TENM3: variants seen among roughly 807,000 people sequenced by gnomAD.
The protein encoded by TENM3 is teneurin transmembrane protein 3, also known as teneurin-3.
A neutral mutation model predicts 255.1 loss-of-function variants in TENM3; 63 were observed. The ratio of observed to expected loss-of-function variants is 0.25; its 90% CI spans 0.20 to 0.30. TENM3 has a LOEUF of 0.30. Among genes scored for constraint, TENM3 ranks in the 10% least tolerant of loss-of-function variants. The pLI is 1.00. For missense variants in TENM3, 2,929 were observed against 3,461.1 expected (o/e 0.85, Z 3.86); for synonymous variants, 1,306 against 1,322.3 (o/e 0.99, Z 0.27).
At position 182,789,466 on chromosome 4, in the gene TENM3, GA is replaced by G. The variant is rs200331563; in HGVS notation, c.5601+85del. 40 of 1,346,780 alleles carry G rather than the reference GA, an allele frequency of 3.0e-5. No homozygotes were observed. Among genetic ancestry groups the G allele is most frequent in the South Asian group, 7.4e-5 (5 of 67,230 alleles). 83.4% of individuals were successfully genotyped at this position (1,346,780 alleles called of 1,614,324 possible). A position where few individuals can be genotyped will look rare whatever the true frequency, so the allele number is the denominator to read the frequency against. ...CAGCAATCATCCAGAGCACTAAGGGGAAAAAAAACAGTGGCACATGACTGAG... is the reference window on the plus strand; with the variant it reads ...CAGCAATCATCCAGAGCACTAAGGGGAAAAAAACAGTGGCACATGACTGAG... On this transcript the variant is annotated intron_variant, in intron 25 of 27. Transcript: ENST00000511685. The surrounding 1 kb of genome is among the most constrained non-coding windows in gnomAD (Gnocchi z 4.4).
At chr4:181,880,888 G>GC in the TENM3 span, among the ~76,000 whole-genome samples, 1 of 152,108 alleles carries the variant, frequency 6.6e-6, no homozygotes, top group Admixed American at 6.6e-5. Flanking sequence ...TCCAATGCCA[G>GC]CCCCCGGGGC....
the TENM3 span, among the ~76,000 whole-genome samples, chr4:182,059,055 G>A: frequency 6.6e-6 from 1 of 151,786 alleles, no homozygotes; most frequent in Non-Finnish European, 1.5e-5. Context: ...CAGTGTTGGG[G>A]CAGAATTAAG....
chr4:182,088,764 G>A, the TENM3 span, among the ~76,000 whole-genome samples: 2 of 151,722 alleles, frequency 1.3e-5, no homozygotes, highest in Admixed American at 1.3e-4. Context: ...AACCCGGGAG[G>A]CAGAGGTTGC....
At chr4:182,072,489 A>G in the TENM3 span, among the ~76,000 whole-genome samples, 1 of 152,208 alleles carries the variant, frequency 6.6e-6, no homozygotes, top group Non-Finnish European at 1.5e-5. Flanking sequence ...ATTTTGCTTT[A>G]CCTCAAAACC....
the TENM3 span, among the ~76,000 whole-genome samples, chr4:181,478,327 A>C: frequency 6.6e-6 from 1 of 152,258 alleles, no homozygotes; most frequent in South Asian, 2.1e-4. Context: ...ATTTAAAGAC[A>C]TACATTAGTA....
chr4:182,692,284 G>C (rs1757067825), intron 12 of TENM3, among the ~76,000 whole-genome samples: 1 of 152,190 alleles, frequency 6.6e-6, no homozygotes, highest in Non-Finnish European at 1.5e-5. Context: ...GATGGTTATA[G>C]GCAGAGTCAA....
At chr4:182,010,379 A>G in the TENM3 span, among the ~76,000 whole-genome samples, 1 of 152,126 alleles carries the variant, frequency 6.6e-6, no homozygotes, top group Non-Finnish European at 1.5e-5. Flanking sequence ...GGAAACAGAT[A>G]TGTGATTCAG....
At chr4:182,319,033 G>T (rs1762900308) in intron 1 of TENM3, among the ~76,000 whole-genome samples, 3 of 152,154 alleles carry the variant, frequency 2.0e-5, no homozygotes, top group Non-Finnish European at 4.4e-5. Flanking sequence ...CTCCCAAAGT[G>T]CTGGGATTAC....
chr4:182,111,189 C>CTCTT, the TENM3 span, among the ~76,000 whole-genome samples: 5 of 80,522 alleles, frequency 6.2e-5, no homozygotes, highest in African/African-American at 2.1e-4. Flanking sequence ...GTCTTCTTCT[C>CTCTT]TTTTTTTTTT....
rs538297787 is a variant in TENM3 at position 182,371,689 on chromosome 4, C to T, written c.511+24760C>T. ...GTCTTACCAATCGAATGCAATCGCA[C>T]GGTCTTGTCTCGTTTCCTATCCTGC... On this transcript the variant is annotated intron_variant, in intron 3 of 27. Coordinates refer to ENST00000511685, the MANE Select transcript of TENM3 (RefSeq NM_001080477.4). Among the ~76,000 whole-genome samples the T allele has an allele frequency of 2.8e-4, 43 of 152,282 alleles. 1 individual carries two copies. The highest frequency in any genetic ancestry group is 9.6e-4 in the African/African-American group (40 of 41,568).
intron 3 of TENM3, among the ~76,000 whole-genome samples, chr4:182,453,906 A>C (rs1162668557): frequency 1.3e-5 from 2 of 152,074 alleles, no homozygotes; most frequent in African/African-American, 4.8e-5. Context: ...CCATTATTTC[A>C]TTTTACCTTC....
At chr4:182,192,893 C>G (rs1579661591) in intron 1 of TENM3, among the ~76,000 whole-genome samples, 2 of 152,286 alleles carry the variant, frequency 1.3e-5, no homozygotes, top group Admixed American at 1.3e-4. Context: ...ACAAAGCTTT[C>G]CTAAACTTCT....
chr4:182,247,729 C>T lies in TENM3; in HGVS notation c.-76+4253C>T, dbSNP rs551896736. Reference sequence around the variant, plus strand: ...GGACCAAGGATGGCTCAGGCAACCTCTCAGATTATACCTAATTCTAGGATT... The same window carrying T: ...GGACCAAGGATGGCTCAGGCAACCTTTCAGATTATACCTAATTCTAGGATT... On this transcript the variant is annotated intron_variant, in intron 1 of 27. Transcript: ENST00000511685. 3.0e-4 allele frequency among the ~76,000 whole-genome samples: 45 copies of T among 152,262 alleles called. 1 individual carries two copies. The highest frequency in any genetic ancestry group is 1.0e-3 in the African/African-American group (42 of 41,548).
Position 182,690,128 on chromosome 4 carries a change from G to A in TENM3, c.2221+1777G>A, listed in dbSNP as rs540176317. Among the ~76,000 whole-genome samples, 45 of 152,054 alleles carry A rather than the reference G, an allele frequency of 3.0e-4. 1 individual carries two copies. The South Asian group carries it at 8.1e-3, about 27-fold the overall frequency. On this transcript the variant is annotated intron_variant, in intron 12 of 27. Coordinates refer to ENST00000511685, the MANE Select transcript of TENM3 (RefSeq NM_001080477.4). ...CCAGATGCCAGCCAAGGGCCAGCCC[G>A]CCAAAATCCTGCAGATCAGGCCCAC... is the stretch of plus-strand genomic sequence containing the variant.
the TENM3 span, among the ~76,000 whole-genome samples, chr4:181,554,337 G>A: frequency 6.6e-6 from 1 of 152,172 alleles, no homozygotes; most frequent in Admixed American, 6.5e-5. Flanking sequence ...GAGTTTAACG[G>A]GGAGGGCTGA....
the TENM3 span, chr4:182,081,788 A>G: frequency 6.6e-6 from 1 of 152,018 alleles, no homozygotes; most frequent in African/African-American, 2.4e-5. Context: ...CTCCCCGTAG[A>G]TTCTTGATCC....
At chr4:182,277,329 TCA>T (rs1247454157) in intron 1 of TENM3, among the ~76,000 whole-genome samples, 1 of 151,000 alleles carries the variant, frequency 6.6e-6, no homozygotes, top group East Asian at 2.0e-4. Context: ...GCAAGTATGT[TCA>T]CAGAGGTAGA....
chr4:182,673,330 C>T (rs890424037), intron 7 of TENM3, 111 bp downstream of exon 7: 7 of 687,952 alleles, frequency 1.0e-5, no homozygotes, highest in East Asian at 5.5e-5. Context: ...ACTTTTGAAT[C>T]GACTTTCTAC....
the TENM3 span, among the ~76,000 whole-genome samples, chr4:181,977,502 T>C: frequency 6.6e-6 from 1 of 152,230 alleles, no homozygotes; most frequent in African/African-American, 2.4e-5. Context: ...GAATGGATCA[T>C]TTGGAAAAAT....
Sources: allele counts gnomAD v4.1 joint callset (sites outside exome capture counted in the v4.1 genomes callset), GRCh38; gene constraint gnomAD v4.1.1; non-coding constraint Gnocchi (gnomAD v3.1); transcripts MANE v1.5; gene names NCBI Gene and HGNC (gene_info 2026-07-23, HGNC 2026-07-21).